SLC30A4: variants seen among roughly 807,000 people sequenced by gnomAD.
The protein encoded by SLC30A4 is probable proton-coupled zinc antiporter SLC30A4.
SLC30A4 carries 20 observed loss-of-function variants against 41.7 expected under a neutral mutation model. The observed-to-expected ratio is 0.48, with a 90% CI of 0.34 to 0.70. SLC30A4 has a LOEUF of 0.70. Among genes scored for constraint, SLC30A4 ranks in the 30% least tolerant of loss-of-function variants. The pLI is 0.01. For synonymous variants in SLC30A4, 181 were observed against 195.9 expected (o/e 0.92, Z 0.64); for missense variants, 441 against 529.3 (o/e 0.83, Z 1.64).
Position 45,482,495 on chromosome 15 carries a change from C to A in SLC30A4, c.*2668G>T, listed in dbSNP as rs987558463. 6.6e-6 allele frequency: 1 copy of A among 151,336 alleles called. No individual in the cohort carries two copies. The highest frequency in any genetic ancestry group is 1.5e-5 in the Non-Finnish European group (1 of 67,906). 9.4% of individuals were successfully genotyped at this position (151,336 alleles called of 1,614,324 possible). ...CAAATACATTTTTTAAGGAACAGGT[C>A]GATACAAAAGCGAGATATGCCTTTA... is the stretch of plus-strand genomic sequence containing the variant. On this transcript the variant is annotated 3_prime_UTR_variant, in exon 8 of 8. Coordinates refer to ENST00000261867, the MANE Select transcript of SLC30A4 (RefSeq NM_013309.6).
At chr15:45,505,673 G>A (rs930795305) in intron 3 of SLC30A4, among the ~76,000 whole-genome samples, 1 of 152,176 alleles carries the variant, frequency 6.6e-6, no homozygotes, top group African/African-American at 2.4e-5. Flanking sequence ...CTGCCTCCAG[G>A]TCTAGAGTTG....
intron 2 of SLC30A4, among the ~76,000 whole-genome samples, chr15:45,512,994 AC>A: frequency 6.7e-6 from 1 of 149,272 alleles, no homozygotes; most frequent in South Asian, 2.1e-4. Context: ...TGAGACATTG[AC>A]TAAAAAAAAA....
At chr15:45,516,089 G>C (rs942588368) in intron 2 of SLC30A4, among the ~76,000 whole-genome samples, 1 of 152,084 alleles carries the variant, frequency 6.6e-6, no homozygotes, top group Non-Finnish European at 1.5e-5. Context: ...AAAGTAGTCT[G>C]TTCTTGCTTC....
intron 3 of SLC30A4, among the ~76,000 whole-genome samples, chr15:45,498,982 T>A (rs918885473): frequency 2.3e-4 from 35 of 152,116 alleles, no homozygotes; most frequent in African/African-American, 8.4e-4. Flanking sequence ...GGACAATCCA[T>A]CATCTAGCCA....
At chr15:45,511,572 C>T (rs1892292170) in intron 2 of SLC30A4, among the ~76,000 whole-genome samples, 1 of 152,140 alleles carries the variant, frequency 6.6e-6, no homozygotes, top group South Asian at 2.1e-4. Flanking sequence ...CAACCTCTGC[C>T]TTCTGGGTTC....
intron 7 of SLC30A4, 78 bp downstream of exon 7, chr15:45,486,533 T>C (rs1891709633): frequency 1.6e-6 from 2 of 1,284,492 alleles, no homozygotes; most frequent in Non-Finnish European, 2.1e-6. Context: ...TCTTCCTACA[T>C]AATTATAAGC....
chr15:45,517,568 G>C (rs1892523778), intron 2 of SLC30A4, among the ~76,000 whole-genome samples: 1 of 151,640 alleles, frequency 6.6e-6, no homozygotes, highest in South Asian at 2.1e-4. Context: ...GGTCAGGCTG[G>C]TCTCGAACTC....
At chr15:45,486,906 T>C (rs979996204) in intron 6 of SLC30A4, among the ~76,000 whole-genome samples, 161 bp from the exon 7 acceptor site, 1 of 152,102 alleles carries the variant, frequency 6.6e-6, no homozygotes, top group Non-Finnish European at 1.5e-5. Context: ...TGTACACATA[T>C]ATTTTTATTA....
intron 3 of SLC30A4, among the ~76,000 whole-genome samples, chr15:45,500,281 T>C (rs1252728501): frequency 6.6e-6 from 1 of 152,182 alleles, no homozygotes; most frequent in Non-Finnish European, 1.5e-5. Context: ...GCCAGAACCA[T>C]GTTAGGTACT....
chr15:45,512,444 G>C (rs1283475059), intron 2 of SLC30A4: 2 of 152,200 alleles, frequency 1.3e-5, no homozygotes, highest in Non-Finnish European at 2.9e-5. Flanking sequence ...AGAACTGCAT[G>C]ATCAGGTAAG....
chr15:45,493,836 A>C (rs951312989), intron 3 of SLC30A4, among the ~76,000 whole-genome samples: 8 of 152,056 alleles, frequency 5.3e-5, no homozygotes, highest in Non-Finnish European at 7.4e-5. Context: ...CAAAAACAAA[A>C]ACAAAAAAAA....
chr15:45,486,336 A>C (rs1409741956), intron 7 of SLC30A4, among the ~76,000 whole-genome samples: 1 of 152,138 alleles, frequency 6.6e-6, no homozygotes, highest in African/African-American at 2.4e-5. Flanking sequence ...AATATTCTTA[A>C]TACCTTTAAT....
At chr15:45,508,206 T>C (rs1191459791) in intron 3 of SLC30A4, among the ~76,000 whole-genome samples, 1 of 152,090 alleles carries the variant, frequency 6.6e-6, no homozygotes. Context: ...AATCAGGATA[T>C]GAGGTGGTAG....
rs1002246708 is a variant in SLC30A4, at chr15:45,483,436, C to G, written c.*1727G>C. 7 of 152,166 alleles carry G rather than the reference C, an allele frequency of 4.6e-5. No homozygotes were observed. The highest frequency in any genetic ancestry group is 1.7e-4 in the African/African-American group (7 of 41,440). The allele number at this position is 152,166 out of a possible 1,614,324, so 9.4% of individuals were successfully genotyped here. ...TGTGCATAAAAGATAATCTCAAAAC[C>G]AATGGTTGCAAAATGAAACATGAAC... On this transcript the variant is annotated 3_prime_UTR_variant, in exon 8 of 8. Transcript: ENST00000261867.
At chr15:45,492,246 T>TAAATGTCCACA (rs1421574985) in intron 3 of SLC30A4, among the ~76,000 whole-genome samples, 2 of 148,326 alleles carry the variant, frequency 1.3e-5, no homozygotes, top group Non-Finnish European at 1.5e-5. Context: ...GGAGACATCC[T>TAAATGTCCACA]AAATGTCCAC....
intron 3 of SLC30A4, among the ~76,000 whole-genome samples, chr15:45,506,018 C>A (rs1413114049): frequency 6.6e-6 from 1 of 151,956 alleles, no homozygotes; most frequent in African/African-American, 2.4e-5. Context: ...TTGCAACCAG[C>A]CTGGGAAACA....
intron 3 of SLC30A4, among the ~76,000 whole-genome samples, chr15:45,497,505 C>G (rs1015137461): frequency 6.6e-6 from 1 of 152,096 alleles, no homozygotes; most frequent in Non-Finnish European, 1.5e-5. Flanking sequence ...GATCACGGGT[C>G]TTTTCATTTG....
Position 45,483,317 on chromosome 15 carries a change from G to C in SLC30A4, c.*1846C>G, listed in dbSNP as rs907546624. ...AGAATTTCAACTTACAATTTGCCTG[G>C]TACATTGTTACCCTACTCTGATTCT... On this transcript the variant is annotated 3_prime_UTR_variant, in exon 8 of 8. Coordinates refer to ENST00000261867, the MANE Select transcript of SLC30A4 (RefSeq NM_013309.6). The C allele has an allele frequency of 6.6e-6, 1 of 152,048 alleles. No individual in the cohort carries two copies. Among genetic ancestry groups the C allele is most frequent in the Non-Finnish European group, 1.5e-5 (1 of 68,012 alleles). The allele number at this position is 152,048 out of a possible 1,614,324, so 9.4% of individuals were successfully genotyped here.
intron 7 of SLC30A4, 61 bp from the exon 8 acceptor site, chr15:45,485,378 A>G: frequency 8.4e-7 from 1 of 1,196,574 alleles, no homozygotes; most frequent in Non-Finnish European, 1.2e-6. Context: ...AATAAGATAC[A>G]GGGAAAAAAA....
Sources: allele counts gnomAD v4.1 joint callset (sites outside exome capture counted in the v4.1 genomes callset), GRCh38; gene constraint gnomAD v4.1.1; transcripts MANE v1.5; gene names NCBI Gene and HGNC (gene_info 2026-07-23, HGNC 2026-07-21).